FGB: variants seen among roughly 807,000 people sequenced by gnomAD.
The protein encoded by FGB is fibrinogen beta chain, also known as beta-fibrinogen.
Under a neutral mutation model 57.9 loss-of-function variants are expected in FGB, and 25 were observed. The ratio of observed to expected loss-of-function variants is 0.43; its 90% CI spans 0.31 to 0.60. The LOEUF is 0.60. FGB is among the 20% of genes least tolerant of loss of function. The pLI is 0.08. For missense variants in FGB, 536 were observed against 598.4 expected, an observed-to-expected ratio of 0.90 and a Z score of 1.09; for synonymous variants, 203 against 199.2, an observed-to-expected ratio of 1.02 and a Z score of -0.16.
intron 7 of FGB, 29 bp from the exon 8 acceptor site, chr4:154,570,390 C>G (rs1294497387): frequency 6.4e-7 from 1 of 1,572,106 alleles, no homozygotes; most frequent in Non-Finnish European, 8.8e-7. Context: ...AGTTCTGTTT[C>G]TAATAACGCC....
chr4:154,569,455 C>G, intron 6 of FGB, 59 bp from the exon 7 acceptor site: 2 of 1,588,496 alleles, frequency 1.3e-6, no homozygotes, highest in Non-Finnish European at 1.7e-6. Flanking sequence ...GGAAGAAAGG[C>G]AGTTTTTAGT....
In FGB at chr4:154,572,280, C is replaced by T. The variant is rs1000193189; in HGVS notation, c.*1630C>T. On this transcript the variant is annotated 3_prime_UTR_variant, in exon 8 of 8. Coordinates refer to ENST00000302068, the MANE Select transcript of FGB (RefSeq NM_005141.5). The stretch of plus-strand genomic sequence containing the variant: ...TTGATATAATTTAAAAAATCCTGCA[C>T]ATGTGTCATGCTGGAGCCCTATTGA... Among the ~76,000 whole-genome samples, 1 of 152,072 alleles carries T rather than the reference C, an allele frequency of 6.6e-6. No individual in the cohort carries two copies. Among genetic ancestry groups the T allele is most frequent in the Non-Finnish European group, 1.5e-5 (1 of 68,020 alleles).
rs1311478371 is a variant in FGB, at chr4:154,572,219, C to G, written c.*1569C>G. ...TTTCCCCATTCCAGGACAGGTCAGG[C>G]CCTTTAAAAATTTCAACAGCTTTAT... On this transcript the variant is annotated 3_prime_UTR_variant, in exon 8 of 8. Transcript: ENST00000302068. 1.3e-5 allele frequency among the ~76,000 whole-genome samples: 2 copies of G among 152,062 alleles called. No individual in the cohort carries two copies. The highest frequency in any genetic ancestry group is 1.3e-4 in the Admixed American group (2 of 15,256).
At position 154,572,699 on chromosome 4, in the gene FGB, T is replaced by G. The variant is rs1476319125; in HGVS notation, c.*2049T>G. ...TTGAGTTAATGCTGTCGGATGCATC[T>G]GTCATACAAAGTGTTTAACATATAC... On this transcript the variant is annotated 3_prime_UTR_variant, in exon 8 of 8. Coordinates refer to ENST00000302068, the MANE Select transcript of FGB (RefSeq NM_005141.5). Among the ~76,000 whole-genome samples, 2 of 152,202 alleles carry G rather than the reference T, an allele frequency of 1.3e-5. No homozygotes were observed. The highest frequency in any genetic ancestry group is 4.8e-5 in the African/African-American group (2 of 41,434).
chr4:154,564,797 A>G (rs1005203313), intron 1 of FGB, among the ~76,000 whole-genome samples: 2 of 152,134 alleles, frequency 1.3e-5, no homozygotes, highest in Non-Finnish European at 2.9e-5. Context: ...TCCAAATCAA[A>G]ACTTTCCTAT....
At position 154,567,828 on chromosome 4, in the gene FGB, A is replaced by G. The variant is rs751717579; in HGVS notation, c.718+8A>G. Reference sequence around the variant, plus strand: ...CTGTGGTGTCTGGCAAAGGTAACTGATTCATAAACATATTTTTAGAGAGTT... The same window carrying G: ...CTGTGGTGTCTGGCAAAGGTAACTGGTTCATAAACATATTTTTAGAGAGTT... On this transcript the variant is annotated splice_region_variant and intron_variant, in intron 4 of 7. Transcript: ENST00000302068. The G allele has an allele frequency of 6.3e-7, 1 of 1,585,308 alleles. No homozygotes were observed. The highest frequency in any genetic ancestry group is 8.7e-7 in the Non-Finnish European group (1 of 1,154,340).
chr4:154,566,027 G>A (rs113531452), intron 2 of FGB, 28 bp downstream of exon 2: 1 of 1,604,700 alleles, frequency 6.2e-7, no homozygotes, highest in South Asian at 1.1e-5. Flanking sequence ...TCTTGCAGTG[G>A]TGGCTCTCTC....
intron 1 of FGB, among the ~76,000 whole-genome samples, chr4:154,564,005 C>T (rs1312737747): frequency 1.3e-5 from 2 of 151,902 alleles, no homozygotes; most frequent in African/African-American, 2.4e-5. Flanking sequence ...TTATCAGACT[C>T]TACATGTAAG....
Position 154,566,660 on chromosome 4 carries a change from A to T in FGB, c.478A>T (p.Lys160Ter). The T allele has an allele frequency of 1.2e-6, 2 of 1,614,102 alleles. No individual in the cohort carries two copies. The highest frequency in any genetic ancestry group is 1.7e-6 in the Non-Finnish European group (2 of 1,179,974). Residue 160 changes from lysine to a stop codon, truncating the protein, a stop_gained, in exon 3 of 8, where the codon AAG becomes TAG. Transcript: ENST00000302068. LOFTEE classifies it high-confidence loss of function. ...GAAAGACCTGTGGCAAAAGAGGCAG[A>T]AGCAAGTAAAAGGTAGATATCCTTG... ...LLKDLWQKRQ[K>*]QVKDNENVVN...
At chr4:154,569,133 T>C (rs1379452576) in intron 5 of FGB, 49 bp from the exon 6 acceptor site, 2 of 1,603,326 alleles carry the variant, frequency 1.2e-6, no homozygotes, top group Non-Finnish European at 1.7e-6. Context: ...CAAAGTGACA[T>C]TATTTGCTGT....
At chr4:154,568,054 G>C (rs975864857) in intron 4 of FGB, among the ~76,000 whole-genome samples, 2 of 152,168 alleles carry the variant, frequency 1.3e-5, no homozygotes, top group Admixed American at 1.3e-4. Flanking sequence ...GCTGATGTGT[G>C]CATCTGCGTA....
intron 7 of FGB, among the ~76,000 whole-genome samples, chr4:154,570,208 C>G (rs547998982): frequency 6.6e-6 from 1 of 152,202 alleles, no homozygotes; most frequent in South Asian, 2.1e-4. Context: ...AAACACAGTC[C>G]CTAGATGGAT....
rs1305948528 is a variant in FGB, at chr4:154,565,928, G to A, written c.235G>A (p.Ala79Thr). 2.5e-6 allele frequency: 4 copies of A among 1,613,938 alleles called. No homozygotes were observed. In the African/African-American group the frequency reaches 4.0e-5, roughly 16 times the overall value. Residue 79 changes from alanine (A) to threonine (T), a missense_variant, in exon 2 of 8, where the codon GCT (alanine) becomes ACT (threonine). Around this residue, in one of 3 missense-constraint regions of FGB, gnomAD observed 354 missense variants for 383.4 expected, o/e 0.92. Transcript: ENST00000302068. ...GGYRARPAKA[A>T]ATQKKVERKA... ...CTATCGGGCTCGTCCAGCCAAAGCA[G>A]CTGCCACTCAAAAGAAAGTAGAAAG...
Position 154,569,191 on chromosome 4 carries a change from T to C in FGB, c.842T>C (p.Val281Ala), listed in dbSNP as rs771406104. 1 of 1,614,104 alleles carries C rather than the reference T, an allele frequency of 6.2e-7. No individual in the cohort carries two copies. The highest frequency in any genetic ancestry group is 8.5e-7 in the Non-Finnish European group (1 of 1,180,006). Residue 281 changes from valine to alanine, a missense_variant, in exon 6 of 8, where the codon GTG (valine) becomes GCG (alanine). Around this residue, in one of 3 missense-constraint regions of FGB, gnomAD observed 354 missense variants for 383.4 expected, o/e 0.92. Coordinates refer to ENST00000302068, the MANE Select transcript of FGB (RefSeq NM_005141.5). Reference protein sequence around the residue: ...DMNTENGGWTVIQNRQDGSVD... With the variant: ...DMNTENGGWTAIQNRQDGSVD... ...TTTCTGTCAACCAAAGGATGGACAG[T>C]GATTCAGAACCGTCAAGACGGTAGT...
rs117750924 is a variant in FGB, at chr4:154,563,250, T to G, written c.114+118T>G. ...CATTGCTTATAGTTATGAAATGGAA[T>G]TGTTAACCTCTGACTTATTGTATTT... On this transcript the variant is annotated intron_variant, in intron 1 of 7. Coordinates refer to ENST00000302068, the MANE Select transcript of FGB (RefSeq NM_005141.5). 39 of 565,540 alleles carry G rather than the reference T, an allele frequency of 6.9e-5. No individual in the cohort carries two copies. In the East Asian group the frequency reaches 1.1e-3, roughly 17 times the overall value. The allele number at this position is 565,540 out of a possible 1,614,324, so 35.0% of individuals were successfully genotyped here.
intron 6 of FGB, 29 bp downstream of exon 6, chr4:154,569,336 AT>A (rs1329758601): frequency 1.2e-6 from 2 of 1,613,578 alleles, no homozygotes; most frequent in African/African-American, 2.7e-5. Context: ...AAATAAAATC[AT>A]TCTATTTGAA....
In FGB at chr4:154,568,592, T is replaced by C. The variant is rs1054997510; in HGVS notation, c.832+98T>C. 22 of 770,524 alleles carry C rather than the reference T, an allele frequency of 2.9e-5. No homozygotes were observed. The Admixed American group carries it at 4.0e-4, about 14-fold the overall frequency. 47.7% of individuals were successfully genotyped at this position (770,524 alleles called of 1,614,324 possible). ...CAGGTGTGGTGGCTCATACCTGTAA[T>C]TCCAGCACCTTGGGAGGCCAAAGTG... On this transcript the variant is annotated intron_variant, in intron 5 of 7. Transcript: ENST00000302068.
At position 154,569,313 on chromosome 4, in the gene FGB, G is replaced by A. The variant is rs769708528; in HGVS notation, c.958+6G>A. 9 of 1,613,880 alleles carry A rather than the reference G, an allele frequency of 5.6e-6. No individual in the cohort carries two copies. Among genetic ancestry groups the A allele is most frequent in the African/African-American group, 2.7e-5 (2 of 74,896 alleles). On this transcript the variant is annotated splice_donor_region_variant and intron_variant, in intron 6 of 7. Coordinates refer to ENST00000302068, the MANE Select transcript of FGB (RefSeq NM_005141.5). ...GAATTACTGTGGCCTACCAGGTAAC[G>A]AACAGGCATGCAAAATAAAATCATT...
At chr4:154,563,233 A>C (rs1187208106) in intron 1 of FGB, 101 bp downstream of exon 1, 1 of 599,262 alleles carries the variant, frequency 1.7e-6, no homozygotes, top group Admixed American at 2.7e-5. Context: ...AGCATTGCTT[A>C]TAGTTATGAA....
Sources: allele counts gnomAD v4.1 joint callset (sites outside exome capture counted in the v4.1 genomes callset), GRCh38; gene constraint gnomAD v4.1.1; regional missense constraint gnomAD v4.1.1; transcripts MANE v1.5; gene names NCBI Gene and HGNC (gene_info 2026-07-23, HGNC 2026-07-21).